Variants in SPINK5 observed in about 807,000 individuals in gnomAD.
The protein encoded by SPINK5 is serine protease inhibitor Kazal-type 5.
A neutral mutation model predicts 151.8 loss-of-function variants in SPINK5; 125 were observed. The observed-to-expected ratio is 0.82, with a 90% CI of 0.71 to 0.96. The LOEUF is 0.96. Ranked by LOEUF, SPINK5 falls within the 40% of genes least tolerant of loss-of-function variation. The pLI, the probability that SPINK5 is intolerant of heterozygous loss-of-function variation, is 0.00. For missense variants in SPINK5, 1,194 were observed against 1,291.9 expected, an observed-to-expected ratio of 0.92 and a Z score of 1.16; for synonymous variants, 374 against 395.3, an observed-to-expected ratio of 0.95 and a Z score of 0.64.
Position 148,095,874 on chromosome 5 carries a change from A to T in SPINK5, c.851A>T (p.Glu284Val). ...ACAGATCAAAATTTGGGAAAAGCTG[A>T]AGAAAAAACTAAAGTTAAAAGAGAA... is the stretch of plus-strand genomic sequence containing the variant. ...SKTDQNLGKAEEKTKVKREIV... is the reference protein window; with the variant it reads ...SKTDQNLGKAVEKTKVKREIV... Residue 284 changes from glutamate (E) to valine (V), a missense_variant, in exon 10 of 33, where the codon GAA becomes GTA. By Grantham distance (121) the Glu-to-Val change is moderately radical. Transcript: ENST00000256084. 1.9e-6 allele frequency: 3 copies of T among 1,612,428 alleles called. No homozygotes were observed. The highest frequency in any genetic ancestry group is 2.5e-6 in the Non-Finnish European group (3 of 1,178,984).
rs73269187 is a variant in SPINK5 at position 148,086,569 on chromosome 5, G to T, written c.410+37G>T. The T allele has an allele frequency of 2.5e-3, 4,068 of 1,605,880 alleles. 87 individuals are homozygous for T. In the African/African-American group the frequency reaches 0.048, roughly 19 times the overall value. ...CTGAAGTAGGCTTTCTCCCTAAAAC[G>T]TGTTCTCTCTATAATTACATGACAC... On this transcript the variant is annotated intron_variant, in intron 5 of 32. Transcript: ENST00000256084.
In SPINK5 at chr5:148,131,365, C is replaced by T. The variant is rs1171919421; in HGVS notation, c.3071C>T (p.Pro1024Leu). The change falls in exon 31 of 33, where the codon CCT becomes CTT. Residue 1024 changes from proline to leucine, a missense_variant. Transcript: ENST00000256084. The stretch of plus-strand genomic sequence containing the variant: ...GACGATGGCCAAACCTACAACAATC[C>T]TTGCATGCTCTGTCATGAAAACCTG... ...CGDDGQTYNN[P>L]CMLCHENLIR... is the part of the protein sequence containing the mutation. The T allele has an allele frequency of 3.1e-6, 5 of 1,613,820 alleles. No homozygotes were observed. In the Admixed American group the frequency reaches 5.0e-5, roughly 16 times the overall value.
At chr5:148,131,421 C>T (rs201299031) in intron 31 of SPINK5, 32 bp downstream of exon 31, 21 of 1,613,182 alleles carry the variant, frequency 1.3e-5, no homozygotes, top group Non-Finnish European at 1.7e-5. Context: ...TCATATCTTC[C>T]AGTTTAGAAT....
intron 17 of SPINK5, among the ~76,000 whole-genome samples, chr5:148,107,463 G>A (rs949855509): frequency 1.3e-5 from 2 of 151,986 alleles, no homozygotes; most frequent in Non-Finnish European, 1.5e-5. Context: ...GATTTGGATT[G>A]GATGATCTTT....
intron 4 of SPINK5, among the ~76,000 whole-genome samples, chr5:148,072,867 A>T (rs931320096): frequency 1.6e-4 from 3 of 18,556 alleles, no homozygotes; most frequent in Non-Finnish European, 2.9e-4. Context: ...GTTCTCTGGT[A>T]AAAAAAAAAA....
intron 4 of SPINK5, among the ~76,000 whole-genome samples, chr5:148,075,666 C>A (rs549981431): frequency 2.0e-5 from 3 of 151,782 alleles, no homozygotes; most frequent in Admixed American, 6.6e-5. Context: ...ACCATTTTAG[C>A]AATCTGAAAA....
rs752128949 is a variant in SPINK5, at chr5:148,099,297, A to G, written c.1074A>G (p.Gly358=). 1.9e-6 allele frequency: 3 copies of G among 1,612,394 alleles called. No individual in the cohort carries two copies. The highest frequency in any genetic ancestry group is 2.5e-6 in the Non-Finnish European group (3 of 1,179,024). ...GAGCTAGAAACAAAAGAGAATCTGGAAAAGCAACCTCATATGCAGTGAGTG... is the reference window on the plus strand; with the variant it reads ...GAGCTAGAAACAAAAGAGAATCTGGGAAAGCAACCTCATATGCAGTGAGTG... ...EARARNKRES[G]KATSYAELCS... is the part of the protein sequence containing the mutation. Residue 358 remains glycine, a synonymous_variant, in exon 12 of 33, where the codon GGA becomes GGG. Coordinates refer to ENST00000256084, the MANE Select transcript of SPINK5 (RefSeq NM_006846.4).
At chr5:148,083,727 G>C (rs1037405119) in intron 4 of SPINK5, among the ~76,000 whole-genome samples, 24 of 150,280 alleles carry the variant, frequency 1.6e-4, no homozygotes, top group South Asian at 2.1e-4. Flanking sequence ...TTCTTTTTTT[G>C]TTAATTATAG....
chr5:148,114,600 A>C (rs952362509), intron 21 of SPINK5, 111 bp downstream of exon 21: 15 of 1,477,946 alleles, frequency 1.0e-5, no homozygotes, highest in Non-Finnish European at 1.4e-5. Flanking sequence ...ATAGAAACAG[A>C]AGGTTATCTG....
intron 31 of SPINK5, 93 bp from the exon 32 acceptor site, chr5:148,133,704 G>T: frequency 7.9e-7 from 1 of 1,263,032 alleles, no homozygotes; most frequent in South Asian, 1.2e-5. Context: ...AGTTTGGTTT[G>T]ATACCCAAGT....
intron 7 of SPINK5, 102 bp from the exon 8 acceptor site, chr5:148,091,063 A>G (rs1753294988): frequency 1.0e-6 from 1 of 966,790 alleles, no homozygotes; most frequent in Non-Finnish European, 1.6e-6. Context: ...GATCATTTTC[A>G]GCAATTCGTA....
At chr5:148,082,149 G>A (rs1304832590) in intron 4 of SPINK5, among the ~76,000 whole-genome samples, 3 of 150,662 alleles carry the variant, frequency 2.0e-5, no homozygotes, top group African/African-American at 7.3e-5. Flanking sequence ...TGTCTCTTTG[G>A]TCAGTCCTAC....
chr5:148,095,813 TC>T lies in SPINK5; in HGVS notation c.795-3del. Reference sequence around the variant, plus strand: ...ATCTCTACTCATTTATTTTACTTTTTCCAGCAAGCAGCGTTTTTCAGAGGAA... The same window carrying T: ...ATCTCTACTCATTTATTTTACTTTTTCAGCAAGCAGCGTTTTTCAGAGGAA... On this transcript the variant is annotated splice_polypyrimidine_tract_variant and splice_region_variant and intron_variant, in intron 9 of 32. Coordinates refer to ENST00000256084, the MANE Select transcript of SPINK5 (RefSeq NM_006846.4). 6.2e-7 allele frequency: 1 copy of T among 1,610,966 alleles called. No homozygotes were observed. Among genetic ancestry groups the T allele is most frequent in the Admixed American group, 1.7e-5 (1 of 59,794 alleles).
chr5:148,131,117 T>G, intron 30 of SPINK5, 142 bp from the exon 31 acceptor site: 1 of 1,178,548 alleles, frequency 8.5e-7, no homozygotes, highest in South Asian at 1.2e-5. Flanking sequence ...GCAAAATCAA[T>G]CTTTGAGTTT....
At chr5:148,072,324 C>A in intron 4 of SPINK5, 104 bp downstream of exon 4, 1 of 1,236,534 alleles carries the variant, frequency 8.1e-7, no homozygotes, top group Non-Finnish European at 1.2e-6. Flanking sequence ...TGTTTTGAAG[C>A]CAACAACTTA....
intron 18 of SPINK5, among the ~76,000 whole-genome samples, chr5:148,109,066 G>A (rs1269288563): frequency 8.9e-6 from 1 of 111,804 alleles, no homozygotes. Context: ...TTTCTCCCCT[G>A]ATTGTGTCAA....
intron 29 of SPINK5, 146 bp from the exon 30 acceptor site, chr5:148,126,837 C>T: frequency 3.3e-6 from 2 of 602,312 alleles, no homozygotes; most frequent in Non-Finnish European, 5.7e-6. Context: ...GGTGATTCGC[C>T]AGCCTGGGCC....
chr5:148,090,916 CT>C, intron 7 of SPINK5: 3 of 509,300 alleles, frequency 5.9e-6, no homozygotes, highest in Non-Finnish European at 1.1e-5. Context: ...CACACCCTTT[CT>C]TACTATAGGC....
chr5:148,114,052 T>A (rs554850199), intron 20 of SPINK5, among the ~76,000 whole-genome samples: 1 of 152,316 alleles, frequency 6.6e-6, no homozygotes, highest in Non-Finnish European at 1.5e-5. Flanking sequence ...AGTGATTGCT[T>A]ATTCTGTCTC....
Sources: gnomAD v4.1 joint callset for allele counts (sites outside exome capture counted in the v4.1 genomes callset) on GRCh38, gnomAD v4.1.1 for gene constraint, MANE v1.5 for transcripts, NCBI Gene and HGNC (gene_info 2026-07-23, HGNC 2026-07-21) for gene names.